DDAH1: variants seen among roughly 807,000 people sequenced by gnomAD.
The protein encoded by DDAH1 is N(G),N(G)-dimethylarginine dimethylaminohydrolase 1.
A neutral mutation model predicts 28.8 loss-of-function variants in DDAH1; 19 were observed. That is an observed-to-expected ratio of 0.66 (90% CI 0.46 to 0.97). The LOEUF is 0.97. DDAH1 is among the 50% of genes least tolerant of loss of function. DDAH1 has a pLI of 0.00. For missense variants in DDAH1, 326 were observed against 375.9 expected (o/e 0.87, Z 1.10); for synonymous variants, 153 against 154.4 (o/e 0.99, Z 0.07).
chr1:85,568,988 C>T (rs1338216178), intron 1 of DDAH1, among the ~76,000 whole-genome samples: 1 of 152,208 alleles, frequency 6.6e-6, no homozygotes, highest in African/African-American at 2.4e-5. Context: ...GGGACCACAT[C>T]TGTCATCTTT....
chr1:85,359,943 A>G (rs1466894184), intron 1 of DDAH1, among the ~76,000 whole-genome samples: 1 of 152,206 alleles, frequency 6.6e-6, no homozygotes. Context: ...GCTCAACAAA[A>G]CAATTTAAAT....
At chr1:85,479,168 T>G (rs891246125) in intron 2 of DDAH1, among the ~76,000 whole-genome samples, 3 of 128,870 alleles carry the variant, frequency 2.3e-5, no homozygotes, top group Non-Finnish European at 4.8e-5. Flanking sequence ...TCTTTTTTTT[T>G]TTTTTTTTTT....
intron 5 of DDAH1, among the ~76,000 whole-genome samples, chr1:85,322,090 A>AT (rs1352672370): frequency 2.0e-5 from 3 of 151,650 alleles, no homozygotes; most frequent in African/African-American, 4.8e-5. Context: ...GCTAATTTTT[A>AT]TTTTTTATTT....
intron 1 of DDAH1, among the ~76,000 whole-genome samples, chr1:85,515,177 G>A (rs552249792): frequency 6.6e-6 from 1 of 150,764 alleles, no homozygotes; most frequent in Admixed American, 6.6e-5. Flanking sequence ...ATAACTTGAG[G>A]TCAGGACTTC....
intron 4 of DDAH1, among the ~76,000 whole-genome samples, chr1:85,343,397 C>G (rs959637779): frequency 6.6e-6 from 1 of 152,188 alleles, no homozygotes; most frequent in Non-Finnish European, 1.5e-5. Context: ...GATGAGGCAA[C>G]TGCTGCCAGG....
At chr1:85,485,037 T>C (rs919312327) in intron 2 of DDAH1, among the ~76,000 whole-genome samples, 9 of 152,250 alleles carry the variant, frequency 5.9e-5, no homozygotes, top group Non-Finnish European at 1.3e-4. Context: ...CTTCAGTAAC[T>C]TTATTTTTTG....
intron 1 of DDAH1, among the ~76,000 whole-genome samples, chr1:85,564,768 G>C (rs968215456): frequency 6.6e-6 from 1 of 151,864 alleles, no homozygotes; most frequent in Non-Finnish European, 1.5e-5. Flanking sequence ...TACTCAGGAG[G>C]CTGAGGCATG....
At chr1:85,479,684 C>T (rs1057425753) in intron 2 of DDAH1, among the ~76,000 whole-genome samples, 2 of 152,160 alleles carry the variant, frequency 1.3e-5, no homozygotes, top group Non-Finnish European at 2.9e-5. Flanking sequence ...GTAACAGGCA[C>T]TCTGGAGGTG....
chr1:85,339,331 C>T (rs1288788878), intron 4 of DDAH1, among the ~76,000 whole-genome samples: 3 of 152,064 alleles, frequency 2.0e-5, no homozygotes, highest in South Asian at 4.1e-4. Context: ...GGTCCCACTT[C>T]GGGAAGAGAT....
chr1:85,367,956 C>A (rs1464012261), intron 1 of DDAH1, among the ~76,000 whole-genome samples: 4 of 152,142 alleles, frequency 2.6e-5, no homozygotes, highest in African/African-American at 4.8e-5. Context: ...CTAAAAGTAA[C>A]TCATTTAGGT....
At chr1:85,480,520 G>A (rs1181804490) in intron 2 of DDAH1, among the ~76,000 whole-genome samples, 6 of 152,062 alleles carry the variant, frequency 3.9e-5, no homozygotes, top group African/African-American at 1.4e-4. Flanking sequence ...TGAAGCTGGC[G>A]GATCACCTGA....
intron 4 of DDAH1, among the ~76,000 whole-genome samples, chr1:85,345,220 T>C (rs12120551): frequency 0.15 from 23,099 of 152,124 alleles, 2,129 homozygotes; most frequent in Middle Eastern, 0.21. Flanking sequence ...TTGGCTTCTT[T>C]TGTTCAAACT....
intron 1 of DDAH1, among the ~76,000 whole-genome samples, chr1:85,435,658 T>C (rs1462435296): frequency 6.6e-6 from 1 of 152,194 alleles, no homozygotes; most frequent in Admixed American, 6.5e-5. Flanking sequence ...GTGGTCTGTA[T>C]AGGCCTCCCT....
intron 1 of DDAH1, among the ~76,000 whole-genome samples, chr1:85,411,845 C>T (rs1234795213): frequency 1.3e-5 from 2 of 152,092 alleles, no homozygotes; most frequent in African/African-American, 2.4e-5. Context: ...CTTGAGAAAC[C>T]AGAGAAAGGT....
In DDAH1 at chr1:85,472,420, C is replaced by T. The variant is rs1655648094; in HGVS notation, c.-7+23746G>A. Among the ~76,000 whole-genome samples, 5 of 152,116 alleles carry T rather than the reference C, an allele frequency of 3.3e-5. 1 individual carries two copies. In the South Asian group the frequency reaches 1.0e-3, roughly 32 times the overall value. ...CTTTGGGTCTTCATTCTGAAGGCTC[C>T]CATGTGTACATGCTAAATAAATTTA... On this transcript the variant is annotated intron_variant, in intron 2 of 6. Coordinates refer to the DDAH1 transcript ENST00000426972.
intron 2 of DDAH1, among the ~76,000 whole-genome samples, chr1:85,479,457 G>A (rs1292048527): frequency 6.6e-6 from 1 of 152,126 alleles, no homozygotes; most frequent in African/African-American, 2.4e-5. Flanking sequence ...ACAGGCGTGA[G>A]CCACCGCGCC....
chr1:85,561,362 G>A (rs1659135924), intron 1 of DDAH1, among the ~76,000 whole-genome samples: 1 of 152,012 alleles, frequency 6.6e-6, no homozygotes, highest in Admixed American at 6.6e-5. Flanking sequence ...GAGATCCAAA[G>A]AGATAAAAAA....
chr1:85,496,232 T>G lies in DDAH1; in HGVS notation c.-73A>C, dbSNP rs148247269. 3,005 of 985,294 alleles carry G rather than the reference T, an allele frequency of 3.0e-3. 3 individuals carry two copies. The highest frequency in any genetic ancestry group is 3.5e-3 in the Non-Finnish European group (2,871 of 829,776). 61.0% of individuals were successfully genotyped at this position (985,294 alleles called of 1,614,324 possible). A position where few individuals can be genotyped will look rare whatever the true frequency, so the allele number is the denominator to read the frequency against. ...CTTTGTATTTTGAAGCATTTCCTAC[T>G]GAAAAGTCTTGGCCAAAGTTACCAG... On this transcript the variant is annotated 5_prime_UTR_variant, in exon 2 of 7. Coordinates refer to the DDAH1 transcript ENST00000426972.
chr1:85,524,034 C>T (rs1375263949), intron 1 of DDAH1, among the ~76,000 whole-genome samples: 1 of 151,508 alleles, frequency 6.6e-6, no homozygotes, highest in Non-Finnish European at 1.5e-5. Context: ...CTGAGAAGGC[C>T]AACCATCTAT....
Sources: allele counts gnomAD v4.1 joint callset (sites outside exome capture counted in the v4.1 genomes callset), GRCh38; gene constraint gnomAD v4.1.1; transcripts MANE v1.5; gene names NCBI Gene and HGNC (gene_info 2026-07-23, HGNC 2026-07-21).